Variants in ATP10B observed in about 807,000 individuals in gnomAD.
The protein encoded by ATP10B is phospholipid-transporting ATPase VB.
ATP10B carries 122 observed loss-of-function variants against 141.2 expected under a neutral mutation model. The observed-to-expected ratio is 0.86, with a 90% CI of 0.75 to 1.00. The LOEUF is 1.00. Ranked by LOEUF, ATP10B falls within the 50% of genes least tolerant of loss-of-function variation. The pLI, the probability that ATP10B is intolerant of heterozygous loss-of-function variation, is 0.00. For synonymous variants in ATP10B, 685 were observed against 692.0 expected (o/e 0.99, Z 0.16); for missense variants, 1,876 against 1,825.3 (o/e 1.03, Z -0.51).
intron 9 of ATP10B, among the ~76,000 whole-genome samples, chr5:160,640,933 G>GAT (rs1260470968): frequency 6.6e-6 from 1 of 152,188 alleles, no homozygotes; most frequent in African/African-American, 2.4e-5. Flanking sequence ...TCTGGCAAAT[G>GAT]ATAGTAAGCT....
At chr5:160,727,602 G>GT (rs1389714298) in intron 2 of ATP10B, among the ~76,000 whole-genome samples, 1 of 152,126 alleles carries the variant, frequency 6.6e-6, no homozygotes, top group East Asian at 1.9e-4. Flanking sequence ...GTTTAACAAT[G>GT]TTTTTTTAGG....
At chr5:160,821,896 A>C (rs527887748) in intron 1 of ATP10B, among the ~76,000 whole-genome samples, 1 of 152,340 alleles carries the variant, frequency 6.6e-6, no homozygotes, top group Admixed American at 6.5e-5. Context: ...AAGACCTTAA[A>C]CTATGAAACT....
At chr5:160,799,755 G>A (rs1008690461) in intron 1 of ATP10B, among the ~76,000 whole-genome samples, 4 of 152,182 alleles carry the variant, frequency 2.6e-5, no homozygotes, top group Non-Finnish European at 5.9e-5. Context: ...AAGCTAGAAG[G>A]TTCTGGAGTG....
At chr5:160,770,785 A>C (rs1032393361) in intron 2 of ATP10B, among the ~76,000 whole-genome samples, 4 of 152,240 alleles carry the variant, frequency 2.6e-5, no homozygotes, top group African/African-American at 9.6e-5. Context: ...TAAATCACTG[A>C]ACAGATGGTA....
Position 160,730,945 on chromosome 5 carries a change from C to A in ATP10B, c.-330-13911G>T, listed in dbSNP as rs146945038. On this transcript the variant is annotated intron_variant, in intron 2 of 25. Coordinates refer to ENST00000327245, the MANE Select transcript of ATP10B (RefSeq NM_025153.3). ...GCTGAGGCCGCTGGAGTTGTCCTGGCCCCTGTCCTTTCTGAGACCTGGTTC... is the reference window on the plus strand; with the variant it reads ...GCTGAGGCCGCTGGAGTTGTCCTGGACCCTGTCCTTTCTGAGACCTGGTTC... Among the ~76,000 whole-genome samples the A allele has an allele frequency of 4.9e-3, 747 of 152,284 alleles. 4 individuals carry two copies. The highest frequency in any genetic ancestry group is 8.4e-3 in the Non-Finnish European group (571 of 68,020).
At chr5:160,810,459 G>T (rs925871195) in intron 1 of ATP10B, among the ~76,000 whole-genome samples, 2 of 151,922 alleles carry the variant, frequency 1.3e-5, no homozygotes, top group African/African-American at 4.8e-5. Context: ...CAATTATTTA[G>T]ATTTATGAAG....
intron 6 of ATP10B, 65 bp from the exon 7 acceptor site, chr5:160,670,732 T>C (rs1257309823): frequency 1.4e-6 from 2 of 1,453,758 alleles, no homozygotes; most frequent in Non-Finnish European, 1.9e-6. Flanking sequence ...AATGAAAGAA[T>C]AGAGGAAGGT....
intron 7 of ATP10B, among the ~76,000 whole-genome samples, chr5:160,649,591 C>T (rs1760555118): frequency 6.6e-6 from 1 of 152,158 alleles, no homozygotes; most frequent in Non-Finnish European, 1.5e-5. Context: ...ATGGAAGCCA[C>T]TAATCACATG....
chr5:160,658,298 C>T (rs1761646960), intron 7 of ATP10B, among the ~76,000 whole-genome samples: 1 of 152,100 alleles, frequency 6.6e-6, no homozygotes, highest in African/African-American at 2.4e-5. Flanking sequence ...ACCTGTGGGA[C>T]ACCGGTCAGA....
intron 1 of ATP10B, among the ~76,000 whole-genome samples, chr5:160,850,152 T>C (rs1753707628): frequency 6.6e-6 from 1 of 152,168 alleles, no homozygotes; most frequent in Non-Finnish European, 1.5e-5. Flanking sequence ...CTTACGCTTG[T>C]AATCCCAGCA....
rs543986519 is a variant in ATP10B at position 160,800,491 on chromosome 5, A to C, written c.-575-14688T>G. Among the ~76,000 whole-genome samples the C allele has an allele frequency of 1.3e-3, 200 of 152,300 alleles. 1 individual carries two copies. Among genetic ancestry groups the C allele is most frequent in the Middle Eastern group, 6.8e-3 (2 of 294 alleles). ...AAACTTGTCCTTTGTTAAACAGCTA[A>C]AGTGTGGTATAGGTGGAATTTGATC... On this transcript the variant is annotated intron_variant, in intron 1 of 25. Transcript: ENST00000327245.
At position 160,564,051 on chromosome 5, in the gene ATP10B, G is replaced by A. The variant is rs902595217; in HGVS notation, c.*1402C>T. 2.0e-5 allele frequency: 3 copies of A among 152,266 alleles called. No homozygotes were observed. Among genetic ancestry groups the A allele is most frequent in the African/African-American group, 7.2e-5 (3 of 41,442 alleles). The allele number at this position is 152,266 out of a possible 1,614,324, so 9.4% of individuals were successfully genotyped here. ...GTGTCATTTGCCAACTTGATTGAAT[G>A]TTTTCTGGCATCTTTGCTGAGGAGG... On this transcript the variant is annotated 3_prime_UTR_variant, in exon 26 of 26. Transcript: ENST00000327245.
the ATP10B span, among the ~76,000 whole-genome samples, chr5:160,871,615 C>T: frequency 6.6e-6 from 1 of 152,116 alleles, no homozygotes; most frequent in Non-Finnish European, 1.5e-5. Flanking sequence ...TGAGAACATA[C>T]GATGTTTGGT....
chr5:160,690,776 A>G (rs1444705749), intron 3 of ATP10B, among the ~76,000 whole-genome samples: 1 of 152,206 alleles, frequency 6.6e-6, no homozygotes, highest in Non-Finnish European at 1.5e-5. Flanking sequence ...AATTAGTTCA[A>G]TCATTGTGGA....
the ATP10B span, among the ~76,000 whole-genome samples, chr5:160,859,478 T>C: frequency 2.0e-5 from 3 of 151,876 alleles, no homozygotes; most frequent in Non-Finnish European, 4.4e-5. Flanking sequence ...TTCTTAAATC[T>C]GTAAATTCAA....
intron 19 of ATP10B, among the ~76,000 whole-genome samples, chr5:160,604,370 T>C (rs549290237): frequency 6.6e-6 from 1 of 152,296 alleles, no homozygotes; most frequent in South Asian, 2.1e-4. Context: ...CAATGAACTT[T>C]ACTGATGAGC....
At chr5:160,860,861 T>C in the ATP10B span, among the ~76,000 whole-genome samples, 1 of 151,958 alleles carries the variant, frequency 6.6e-6, no homozygotes, top group Non-Finnish European at 1.5e-5. Context: ...AAACTGTTGA[T>C]GATGGGTACA....
rs112330767 is a variant in ATP10B at position 160,778,181 on chromosome 5, A to C, written c.-331+7378T>G. 4.3e-3 allele frequency among the ~76,000 whole-genome samples: 653 copies of C among 152,320 alleles called. 2 individuals carry two copies. The highest frequency in any genetic ancestry group is 0.017 in the South Asian group (83 of 4,824). On this transcript the variant is annotated intron_variant, in intron 2 of 25. Transcript: ENST00000327245. ...CACGTATTATCTAAAGTAAACACAT[A>C]AATAATTTTAAAGCCATAATAAATA...
Position 160,617,934 on chromosome 5 carries a change from C to A in ATP10B, c.2456G>T (p.Arg819Leu). 6.2e-7 allele frequency: 1 copy of A among 1,614,172 alleles called. No homozygotes were observed. Among genetic ancestry groups the A allele is most frequent in the Non-Finnish European group, 8.5e-7 (1 of 1,180,006 alleles). The change falls in exon 16 of 26, where the codon CGA becomes CTA. Residue 819 changes from arginine to leucine, a missense_variant. Arg to Leu is a moderately radical substitution (Grantham distance 102, BLOSUM62 -2). Coordinates refer to ENST00000327245, the MANE Select transcript of ATP10B (RefSeq NM_025153.3). ...INMEKKLRKI[R>L]ARTQKHLDLY... ...GTCTAGATGCTTTTGGGTCCGGGCTCGGATTTTTCTCAGCTTCTTTTCCAT... is the reference window on the plus strand; with the variant it reads ...GTCTAGATGCTTTTGGGTCCGGGCTAGGATTTTTCTCAGCTTCTTTTCCAT...
Sources: allele counts gnomAD v4.1 joint callset (sites outside exome capture counted in the v4.1 genomes callset), GRCh38; gene constraint gnomAD v4.1.1; transcripts MANE v1.5; gene names NCBI Gene and HGNC (gene_info 2026-07-23, HGNC 2026-07-21).